Variants in EDNRB observed in about 807,000 individuals in gnomAD.
The protein encoded by EDNRB is Hirschsprung disease 2.
A neutral mutation model predicts 46.4 loss-of-function variants in EDNRB; 18 were observed. The ratio of observed to expected loss-of-function variants is 0.39; its 90% confidence interval spans 0.27 to 0.57. The LOEUF (loss-of-function observed/expected upper bound fraction) is 0.57. Among genes scored for constraint, EDNRB ranks in the 20% least tolerant of loss-of-function variants. EDNRB has a pLI of 0.61. For missense variants in EDNRB, 434 were observed against 537.5 expected (o/e 0.81, Z 1.90); for synonymous variants, 213 against 204.9 (o/e 1.04, Z -0.34).
intron 1 of EDNRB, among the ~76,000 whole-genome samples, chr13:77,960,961 T>C (rs991416803): frequency 4.6e-5 from 7 of 151,038 alleles, no homozygotes; most frequent in Non-Finnish European, 7.4e-5. Context: ...CATTACATAA[T>C]GGTAAAGGGA....
chr13:77,933,601 T>C (rs1880466466), intron 1 of EDNRB, among the ~76,000 whole-genome samples: 1 of 152,160 alleles, frequency 6.6e-6, no homozygotes, highest in Non-Finnish European at 1.5e-5. Context: ...ACAGGGGATA[T>C]GATAGCTTAG....
At position 77,959,897 on chromosome 13, in the gene EDNRB, G is replaced by C. The variant is rs112979945; in HGVS notation, c.-52+15450C>G. Among the ~76,000 whole-genome samples, 208 of 152,344 alleles carry C rather than the reference G, an allele frequency of 1.4e-3. 1 individual carries two copies. The highest frequency in any genetic ancestry group is 2.5e-3 in the Non-Finnish European group (173 of 68,034). On this transcript the variant is annotated intron_variant, in intron 1 of 7. Transcript: ENST00000646948. ...CAAGAACTACGTGATGAATGCACAA[G>C]CTTCAGTAGCTGATTCCATCAACTG...
chr13:77,942,492 T>C (rs1880782171), intron 1 of EDNRB, among the ~76,000 whole-genome samples: 1 of 152,158 alleles, frequency 6.6e-6, no homozygotes, highest in East Asian at 1.9e-4. Context: ...AGATTATACA[T>C]ACTTCTCAGA....
intron 1 of EDNRB, among the ~76,000 whole-genome samples, chr13:77,953,591 G>C (rs1002483107): frequency 6.6e-6 from 1 of 152,040 alleles, no homozygotes; most frequent in African/African-American, 2.4e-5. Context: ...AAATAGTCTG[G>C]ACTAAACGAT....
At chr13:77,903,948 T>C (rs528156465) in intron 1 of EDNRB, among the ~76,000 whole-genome samples, 1 of 151,906 alleles carries the variant, frequency 6.6e-6, no homozygotes, top group Non-Finnish European at 1.5e-5. Flanking sequence ...AATGCCCAGA[T>C]CATGGCCAAA....
intron 1 of EDNRB, among the ~76,000 whole-genome samples, chr13:77,932,569 G>A (rs866535783): frequency 5.9e-5 from 9 of 152,184 alleles, no homozygotes; most frequent in African/African-American, 9.7e-5. Context: ...TGGCTACAGC[G>A]TAAGACAGAC....
At chr13:77,947,779 AT>A (rs5804948) in intron 1 of EDNRB, 40,744 of 133,150 alleles carry the variant, frequency 0.31, 5,712 homozygotes, top group East Asian at 0.44. Context: ...CAGCTAATTA[AT>A]TTTTTTTTTT....
At position 77,896,554 on chromosome 13, in the gene EDNRB, C is replaced by A; in HGVS notation, c.*1646G>T. On this transcript the variant is annotated 3_prime_UTR_variant, in exon 7 of 7. Transcript: ENST00000646607. The stretch of plus-strand genomic sequence containing the variant: ...TACTAGCTTATTTCCAACATGTGGC[C>A]CAGCCTATTAAAAGAAAAACAAAGT... 6.4e-7 allele frequency: 1 copy of A among 1,556,662 alleles called. No homozygotes were observed. The highest frequency in any genetic ancestry group is 8.7e-7 in the Non-Finnish European group (1 of 1,149,136).
chr13:77,904,127 C>G (rs1210605749), intron 1 of EDNRB, among the ~76,000 whole-genome samples: 3 of 151,950 alleles, frequency 2.0e-5, no homozygotes, highest in Non-Finnish European at 4.4e-5. Context: ...AGTAGCTACA[C>G]AGTTGCTCAA....
intron 1 of EDNRB, among the ~76,000 whole-genome samples, chr13:77,974,823 T>C (rs1025364414): frequency 1.3e-5 from 2 of 152,186 alleles, no homozygotes; most frequent in Non-Finnish European, 2.9e-5. Flanking sequence ...CCTCTAATGC[T>C]GGCCAGTCTA....
At chr13:77,933,338 G>A (rs1594382597) in intron 1 of EDNRB, among the ~76,000 whole-genome samples, 2 of 152,166 alleles carry the variant, frequency 1.3e-5, no homozygotes, top group South Asian at 4.1e-4. Flanking sequence ...AGGGAGACAG[G>A]GGTGGGGCCG....
chr13:77,918,473 T>C lies in EDNRB; in HGVS notation c.101A>G (p.Asp34Gly). Residue 34 changes from aspartate (D) to glycine (G), a missense_variant, in exon 1 of 7, where the codon GAC becomes GGC. Asp to Gly is a moderately conservative substitution (Grantham distance 94, BLOSUM62 -1). Transcript: ENST00000646607. This position sits in a 1 kb window ranked among gnomAD's most constrained non-coding sequence, Gnocchi z 4.5. The part of the protein sequence containing the change: ...IWGEERGFPP[D>G]RATPLLQTAE... ...GGTTTGCAAAAGCGGAGTGGCCCTG[T>C]CAGGCGGGAAGCCTCTCTCCTCTCC... 6.4e-7 allele frequency: 1 copy of C among 1,562,464 alleles called. No homozygotes were observed.
At chr13:77,967,767 G>A (rs964699686) in intron 1 of EDNRB, among the ~76,000 whole-genome samples, 1 of 152,076 alleles carries the variant, frequency 6.6e-6, no homozygotes, top group African/African-American at 2.4e-5. Flanking sequence ...CCTCACTCAG[G>A]TTTCCATTAT....
At chr13:77,920,747 T>G (rs1176971669), upstream of EDNRB, among the ~76,000 whole-genome samples, 1 of 152,258 alleles carries the variant, frequency 6.6e-6, no homozygotes, top group East Asian at 1.9e-4. Context: ...TTATCCTCCC[T>G]GTCTCGTAAG....
chr13:77,904,140 A>C (rs909719643), intron 1 of EDNRB, among the ~76,000 whole-genome samples: 7 of 151,930 alleles, frequency 4.6e-5, no homozygotes, highest in Admixed American at 3.3e-4. Context: ...TTGCTCAAAC[A>C]CACCAGGCAC....
intron 1 of EDNRB, among the ~76,000 whole-genome samples, chr13:77,915,513 C>T (rs1180020356): frequency 6.6e-6 from 1 of 152,096 alleles, no homozygotes; most frequent in Non-Finnish European, 1.5e-5. Context: ...GCTTTCAAGC[C>T]CCAGTTTCAT....
chr13:77,898,980 C>CA (rs2096236986), intron 6 of EDNRB, among the ~76,000 whole-genome samples: 1 of 151,850 alleles, frequency 6.6e-6, no homozygotes, highest in Admixed American at 6.6e-5. Context: ...AAAAGCATCT[C>CA]AGTTTTCTTC....
chr13:77,940,935 G>T (rs1313401291), intron 1 of EDNRB, among the ~76,000 whole-genome samples: 2 of 152,194 alleles, frequency 1.3e-5, no homozygotes, highest in African/African-American at 4.8e-5. Context: ...TGCCATTCTG[G>T]CATGGATCCA....
At chr13:77,969,330 A>G (rs775385843) in intron 1 of EDNRB, among the ~76,000 whole-genome samples, 7 of 152,224 alleles carry the variant, frequency 4.6e-5, no homozygotes, top group Admixed American at 1.3e-4. Flanking sequence ...CTGTTTGCAA[A>G]GACCATTTGT....
Sources: allele counts gnomAD v4.1 joint callset (sites outside exome capture counted in the v4.1 genomes callset), GRCh38; gene constraint gnomAD v4.1.1; non-coding constraint Gnocchi (gnomAD v3.1); transcripts MANE v1.5; gene names NCBI Gene and HGNC (gene_info 2026-07-23, HGNC 2026-07-21).